SFTPD: variants seen among roughly 807,000 people sequenced by gnomAD.
The protein encoded by SFTPD is pulmonary surfactant-associated protein D.
Under a neutral mutation model 34.6 loss-of-function variants are expected in SFTPD, and 18 were observed. That is an observed-to-expected ratio of 0.52 (90% CI 0.36 to 0.77). The LOEUF (loss-of-function observed/expected upper bound fraction) is 0.77, where lower values mean the gene tolerates loss of function less well. Among genes scored for constraint, SFTPD ranks in the 30% least tolerant of loss-of-function variants. The probability of loss-of-function intolerance (pLI) is 0.00; values close to 1 mark genes in which losing one functional copy is unlikely to be tolerated. For synonymous variants in SFTPD, 155 were observed against 180.9 expected (o/e 0.86, Z 1.15); for missense variants, 433 against 468.9 (o/e 0.92, Z 0.71).
chr10:79,949,313 GA>G (rs17886714), upstream of SFTPD, among the ~76,000 whole-genome samples: 1,465 of 152,284 alleles, frequency 9.6e-3, 27 homozygotes, highest in African/African-American at 0.034. Context: ...ATCAGGCCTT[GA>G]ACTCATCTGC....
At position 79,938,241 on chromosome 10, in the gene SFTPD, GAA is replaced by G. The variant is rs755518145; in HGVS notation, c.752-15_752-14del. On this transcript the variant is annotated splice_polypyrimidine_tract_variant and intron_variant, in intron 7 of 7. Transcript: ENST00000372292. Reference sequence around the variant, plus strand: ...GGGAAGAGCTCAACTAGGAGAAGAAGAAAGTCAGGTTGGGGTTGTGGCATCAC... The same window carrying G: ...GGGAAGAGCTCAACTAGGAGAAGAAGAGTCAGGTTGGGGTTGTGGCATCAC... 71 of 1,575,244 alleles carry G rather than the reference GAA, an allele frequency of 4.5e-5. No individual in the cohort carries two copies. Among genetic ancestry groups the G allele is most frequent in the Non-Finnish European group, 5.9e-5 (68 of 1,156,948 alleles).
chr10:79,947,208 C>T (rs1011499566), intron 1 of SFTPD, among the ~76,000 whole-genome samples: 2 of 152,234 alleles, frequency 1.3e-5, no homozygotes, highest in African/African-American at 4.8e-5. Flanking sequence ...TAGTAATGTC[C>T]TTCCTGAGCG....
intron 1 of SFTPD, among the ~76,000 whole-genome samples, chr10:79,959,619 C>T (rs1301705391): frequency 6.6e-6 from 1 of 152,150 alleles, no homozygotes; most frequent in Non-Finnish European, 1.5e-5. Flanking sequence ...TCTGAATAGA[C>T]CAATAACAGA....
At chr10:79,965,552 T>TTA (rs1402157385) in intron 1 of SFTPD, among the ~76,000 whole-genome samples, 3 of 113,816 alleles carry the variant, frequency 2.6e-5, no homozygotes, top group African/African-American at 7.4e-5. Context: ...TTTTTTTTTT[T>TTA]AATTTTTTAT....
intron 1 of SFTPD, among the ~76,000 whole-genome samples, chr10:79,962,618 C>T (rs2132515108): frequency 2.0e-5 from 3 of 152,244 alleles, no homozygotes; most frequent in Non-Finnish European, 4.4e-5. Flanking sequence ...AACCAAGTAA[C>T]ATTTTCCATG....
At chr10:79,972,152 AAC>A (rs1160641734) in intron 1 of SFTPD, 2 of 152,266 alleles carry the variant, frequency 1.3e-5, no homozygotes, top group Non-Finnish European at 2.9e-5. Flanking sequence ...GGGAACAAGA[AAC>A]ACAATAAATT....
At chr10:79,948,219 C>A (rs1271994525) in intron 1 of SFTPD, among the ~76,000 whole-genome samples, 1 of 152,252 alleles carries the variant, frequency 6.6e-6, no homozygotes, top group Non-Finnish European at 1.5e-5. Flanking sequence ...GCAGCAAGGG[C>A]CAGACCCAGG....
intron 1 of SFTPD, among the ~76,000 whole-genome samples, chr10:79,966,433 T>A (rs1321618130): frequency 1.1e-5 from 1 of 88,914 alleles, no homozygotes; most frequent in Non-Finnish European, 2.0e-5. Context: ...TGGGGTTGTT[T>A]GTTTTTTTCT....
chr10:79,942,920 C>T (rs775137323), intron 2 of SFTPD, 41 bp from the exon 3 acceptor site: 13 of 1,342,672 alleles, frequency 9.7e-6, no homozygotes, highest in Non-Finnish European at 1.4e-5. Flanking sequence ...TGGCCCTAGA[C>T]CCAGAAAGGG....
chr10:79,949,504 C>T (rs1842696115), upstream of SFTPD, among the ~76,000 whole-genome samples: 1 of 152,210 alleles, frequency 6.6e-6, no homozygotes, highest in Non-Finnish European at 1.5e-5. Context: ...TCTCCTCTTC[C>T]TTTGTCTCAA....
chr10:79,941,569 T>G, intron 5 of SFTPD, 55 bp from the exon 6 acceptor site: 1 of 1,388,698 alleles, frequency 7.2e-7, no homozygotes, highest in Non-Finnish European at 9.8e-7. Flanking sequence ...TTTTTTGTTT[T>G]TAGCATTTTT....
At chr10:79,972,812 T>A (rs1170648584) in intron 1 of SFTPD, 2 of 152,224 alleles carry the variant, frequency 1.3e-5, no homozygotes, top group African/African-American at 4.8e-5. Flanking sequence ...CAGACTTTTC[T>A]CCCTTTTGGC....
chr10:79,942,759 T>C lies in SFTPD; in HGVS notation c.316+4A>G. ...ACACCTGAAGTCGACACCCAGTTGC[T>C]CACCACTTGGCCCAGTGTCTCCCTT... On this transcript the variant is annotated splice_donor_region_variant and intron_variant, in intron 3 of 7. Transcript: ENST00000372292. 6.3e-7 allele frequency: 1 copy of C among 1,585,364 alleles called. No individual in the cohort carries two copies. The highest frequency in any genetic ancestry group is 1.1e-5 in the South Asian group (1 of 90,498).
intron 2 of SFTPD, among the ~76,000 whole-genome samples, chr10:79,944,803 A>G (rs2255601): frequency 0.66 from 99,849 of 151,834 alleles, 33,630 homozygotes; most frequent in African/African-American, 0.81. Context: ...TACGTCGGGG[A>G]TGTCACCAGA....
At chr10:79,981,468 T>C (rs1842889373) in intron 1 of SFTPD, among the ~76,000 whole-genome samples, 1 of 152,178 alleles carries the variant, frequency 6.6e-6, no homozygotes. Context: ...GAAACCTATA[T>C]AGGCCGGGCG....
chr10:79,965,265 G>A (rs908109759), intron 1 of SFTPD, among the ~76,000 whole-genome samples: 6 of 151,818 alleles, frequency 4.0e-5, no homozygotes, highest in Admixed American at 1.3e-4. Context: ...TCTCTTATTC[G>A]GACCTTGTGT....
Position 79,937,952 on chromosome 10 carries a change from T to C in SFTPD, c.1028A>G (p.Asn343Ser), listed in dbSNP as rs760786002. 9 of 1,613,112 alleles carry C rather than the reference T, an allele frequency of 5.6e-6. No homozygotes were observed. The highest frequency in any genetic ancestry group is 5.0e-5 in the Admixed American group (3 of 59,950). The stretch of plus-strand genomic sequence containing the variant: ...ACAGTCCTCTGACCCGCCATCATCG[T>C]TGGGCTCCCCTGGGGCCCAGTTGGA... ...VYSNWAPGEP[N>S]DDGGSEDCVE... Residue 343 changes from asparagine (N) to serine (S), a missense_variant, in exon 8 of 8, where the codon AAC becomes AGC. Transcript: ENST00000372292.
intron 1 of SFTPD, chr10:79,972,577 C>T (rs992539480): frequency 6.6e-6 from 1 of 152,144 alleles, no homozygotes; most frequent in Non-Finnish European, 1.5e-5. Flanking sequence ...CACCTAACTT[C>T]CATCCTCACT....
At chr10:79,963,931 C>T (rs1842788873) in intron 1 of SFTPD, among the ~76,000 whole-genome samples, 1 of 152,112 alleles carries the variant, frequency 6.6e-6, no homozygotes, top group African/African-American at 2.4e-5. Flanking sequence ...ATCCACCTGG[C>T]ATTCACTCGA....
Sources: gnomAD v4.1 joint callset for allele counts (sites outside exome capture counted in the v4.1 genomes callset) on GRCh38, gnomAD v4.1.1 for gene constraint, MANE v1.5 for transcripts, NCBI Gene and HGNC (gene_info 2026-07-23, HGNC 2026-07-21) for gene names.